SBF2: variants seen among roughly 807,000 people sequenced by gnomAD.
SBF2 encodes the protein SET binding factor 2, also known as myotubularin-related protein 13.
A neutral mutation model predicts 225.2 loss-of-function variants in SBF2; 112 were observed. The ratio of observed to expected loss-of-function variants is 0.50; its 90% CI spans 0.43 to 0.58. The LOEUF (loss-of-function observed/expected upper bound fraction) is 0.58, where lower values mean the gene tolerates loss of function less well. Among genes scored for constraint, SBF2 ranks in the 20% least tolerant of loss-of-function variants. SBF2 has a pLI of 0.00. For synonymous variants in SBF2, 763 were observed against 773.3 expected (o/e 0.99, Z 0.22); for missense variants, 1,996 against 2,206.2 (o/e 0.90, Z 1.91).
At chr11:10,184,240 T>TGTAC (rs1956846138) in intron 2 of SBF2, among the ~76,000 whole-genome samples, 1 of 152,228 alleles carries the variant, frequency 6.6e-6, no homozygotes, top group African/African-American at 2.4e-5. Context: ...GCTTCTAGAC[T>TGTAC]GTACCATGGA....
chr11:10,195,338 G>A (rs912143065), intron 1 of SBF2, among the ~76,000 whole-genome samples: 1 of 152,142 alleles, frequency 6.6e-6, no homozygotes, highest in African/African-American at 2.4e-5. Flanking sequence ...CTGTGACACC[G>A]AAGAAGGAAT....
chr11:10,191,285 A>G (rs1254651025), intron 2 of SBF2, among the ~76,000 whole-genome samples: 2 of 152,188 alleles, frequency 1.3e-5, no homozygotes, highest in Non-Finnish European at 2.9e-5. Flanking sequence ...TTGAAGCCGC[A>G]GGGTTACTCA....
At chr11:10,065,681 G>C (rs1178627716) in intron 2 of SBF2, among the ~76,000 whole-genome samples, 1 of 152,214 alleles carries the variant, frequency 6.6e-6, no homozygotes. Context: ...GCCAGGCACA[G>C]TGACGCACGC....
intron 1 of SBF2, among the ~76,000 whole-genome samples, chr11:10,289,444 C>A (rs1455862240): frequency 1.3e-5 from 2 of 152,124 alleles, no homozygotes; most frequent in African/African-American, 4.8e-5. Context: ...TAGCCATGCC[C>A]CCTCGTAGCC....
At chr11:10,143,596 C>T (rs1954750836) in intron 2 of SBF2, among the ~76,000 whole-genome samples, 1 of 152,136 alleles carries the variant, frequency 6.6e-6, no homozygotes. Flanking sequence ...ATTCTGGGTT[C>T]ATAAATTGGT....
chr11:9,906,555 T>TA (rs1208720992), intron 16 of SBF2, among the ~76,000 whole-genome samples: 3 of 152,190 alleles, frequency 2.0e-5, no homozygotes, highest in Non-Finnish European at 4.4e-5. Context: ...AAAATATAAA[T>TA]AAAAAATTCT....
intron 1 of SBF2, among the ~76,000 whole-genome samples, chr11:10,260,917 G>C (rs11042697): frequency 6.7e-6 from 1 of 150,270 alleles, no homozygotes; most frequent in Non-Finnish European, 1.5e-5. Flanking sequence ...GAGGGAGAGA[G>C]GGAGAAAAGA....
intron 1 of SBF2, among the ~76,000 whole-genome samples, chr11:10,262,170 C>T (rs1961506988): frequency 6.6e-6 from 1 of 151,924 alleles, no homozygotes; most frequent in South Asian, 2.1e-4. Flanking sequence ...GGGGAAGATA[C>T]TGGTATCAAT....
chr11:10,080,562 C>T (rs909404731), intron 2 of SBF2, among the ~76,000 whole-genome samples: 1 of 151,538 alleles, frequency 6.6e-6, no homozygotes, highest in Non-Finnish European at 1.5e-5. Context: ...AAAAAAGAAT[C>T]CCAAAGGCAA....
chr11:9,903,992 T>C (rs969827241), intron 16 of SBF2, among the ~76,000 whole-genome samples: 15 of 152,128 alleles, frequency 9.9e-5, no homozygotes, highest in African/African-American at 3.6e-4. Flanking sequence ...CAGCTGCCAA[T>C]TTATCACTTT....
At chr11:10,147,107 T>C (rs992009998) in intron 2 of SBF2, among the ~76,000 whole-genome samples, 7 of 151,714 alleles carry the variant, frequency 4.6e-5, no homozygotes, top group African/African-American at 1.2e-4. Context: ...GGAACACTTA[T>C]ACACTCTTGG....
At chr11:9,854,124 T>A (rs1564918513) in intron 19 of SBF2, among the ~76,000 whole-genome samples, 1 of 152,202 alleles carries the variant, frequency 6.6e-6, no homozygotes, top group Non-Finnish European at 1.5e-5. Context: ...ACAGCTATCT[T>A]TGGCTACTTG....
At position 9,845,444 on chromosome 11, in the gene SBF2, G is replaced by A. The variant is rs2133969082; in HGVS notation, c.3110+121C>T. 6.4e-6 allele frequency: 6 copies of A among 934,954 alleles called. No homozygotes were observed. The South Asian group carries it at 6.8e-5, about 11-fold the overall frequency. 57.9% of individuals were successfully genotyped at this position (934,954 alleles called of 1,614,324 possible). A position where few individuals can be genotyped will look rare whatever the true frequency, so the allele number is the denominator to read the frequency against. On this transcript the variant is annotated intron_variant, in intron 24 of 39. Coordinates refer to ENST00000256190, the MANE Select transcript of SBF2 (RefSeq NM_030962.4). ...TTTATGATCTTGGCCCCATGGGCTT[G>A]ACAGAAACAGAACAGTGAATGAAAA... is the stretch of plus-strand genomic sequence containing the variant.
At chr11:9,834,122 C>T (rs1217334884) in intron 26 of SBF2, among the ~76,000 whole-genome samples, 4 of 149,252 alleles carry the variant, frequency 2.7e-5, no homozygotes, top group African/African-American at 9.9e-5. Flanking sequence ...GACACAGTTT[C>T]GCTCTTGTTG....
At chr11:9,856,008 ATGGTAAACAC>A (rs1374796029) in intron 19 of SBF2, among the ~76,000 whole-genome samples, 1 of 152,264 alleles carries the variant, frequency 6.6e-6, no homozygotes, top group African/African-American at 2.4e-5. Context: ...CTTGCAGGCC[ATGGTAAACAC>A]TGGGTTTTAG....
intron 2 of SBF2, among the ~76,000 whole-genome samples, chr11:10,098,743 C>T (rs540625085): frequency 6.9e-6 from 1 of 145,896 alleles, no homozygotes; most frequent in African/African-American, 2.5e-5. Flanking sequence ...CTGAAGAACA[C>T]CATAAATGAA....
chr11:10,025,447 T>C (rs1949016887), intron 6 of SBF2, among the ~76,000 whole-genome samples: 1 of 152,040 alleles, frequency 6.6e-6, no homozygotes, highest in South Asian at 2.1e-4. Flanking sequence ...AAGATATCGA[T>C]AGTACTGATC....
intron 2 of SBF2, among the ~76,000 whole-genome samples, chr11:10,171,776 G>A (rs752434408): frequency 6.6e-6 from 1 of 152,122 alleles, no homozygotes; most frequent in Non-Finnish European, 1.5e-5. Context: ...CTGGATCCTG[G>A]GCTTTCTTTT....
intron 1 of SBF2, among the ~76,000 whole-genome samples, chr11:10,201,830 T>C (rs1429598421): frequency 6.6e-6 from 1 of 152,190 alleles, no homozygotes; most frequent in East Asian, 1.9e-4. Context: ...ACCCCATCTC[T>C]ACTAAAAATA....
Sources: gnomAD v4.1 joint callset for allele counts (sites outside exome capture counted in the v4.1 genomes callset) on GRCh38, gnomAD v4.1.1 for gene constraint, MANE v1.5 for transcripts, NCBI Gene and HGNC (gene_info 2026-07-23, HGNC 2026-07-21) for gene names.